MMS19: variants seen among roughly 807,000 people sequenced by gnomAD.
MMS19 encodes MMS19 nucleotide excision repair protein homolog.
In MMS19, 77 loss-of-function variants were observed where a neutral mutation model predicts 129.8. The observed-to-expected ratio is 0.59, with a 90% CI of 0.49 to 0.72. The LOEUF (loss-of-function observed/expected upper bound fraction) is 0.72. MMS19 is among the 30% of genes least tolerant of loss of function. MMS19 has a pLI of 0.00. For synonymous variants in MMS19, 491 were observed against 502.8 expected (o/e 0.98, Z 0.31); for missense variants, 1,168 against 1,266.3 (o/e 0.92, Z 1.18).
chr10:97,459,034 G>T, intron 29 of MMS19, 134 bp from the exon 30 acceptor site: 1 of 1,001,970 alleles, frequency 1.0e-6, no homozygotes, highest in Non-Finnish European at 1.5e-6. Flanking sequence ...TAAGTGGCAG[G>T]ATGGCCTTTC....
chr10:97,464,260 A>G (rs2032833384), intron 18 of MMS19, among the ~76,000 whole-genome samples: 1 of 152,190 alleles, frequency 6.6e-6, no homozygotes, highest in Non-Finnish European at 1.5e-5. Flanking sequence ...ATTTTTCATA[A>G]CAACCTTAGA....
At chr10:97,492,854 A>C (rs1457009108) in intron 1 of MMS19, among the ~76,000 whole-genome samples, 3 of 52,752 alleles carry the variant, frequency 5.7e-5, no homozygotes, top group Non-Finnish European at 1.3e-4. Flanking sequence ...GCAAGACTTC[A>C]TCTCCCAAAA....
intron 2 of MMS19, among the ~76,000 whole-genome samples, chr10:97,482,872 T>G (rs868543482): frequency 6.6e-6 from 1 of 151,828 alleles, no homozygotes; most frequent in East Asian, 1.9e-4. Flanking sequence ...CCCATCCTCC[T>G]ACCTCAGCCT....
chr10:97,461,927 G>T, intron 21 of MMS19, 31 bp from the exon 22 acceptor site: 2 of 1,586,488 alleles, frequency 1.3e-6, no homozygotes, highest in Non-Finnish European at 1.7e-6. Flanking sequence ...GATCAAGCCT[G>T]CCAGCAATAA....
chr10:97,467,364 G>A, intron 14 of MMS19, 141 bp downstream of exon 14: 1 of 626,136 alleles, frequency 1.6e-6, no homozygotes, highest in South Asian at 1.9e-5. Flanking sequence ...CATCTCATCT[G>A]TTAAGTGTTC....
intron 2 of MMS19, 137 bp downstream of exon 2, chr10:97,483,966 C>A: frequency 1.7e-6 from 1 of 602,422 alleles, no homozygotes; most frequent in Non-Finnish European, 3.0e-6. Context: ...TAGGCTTAGA[C>A]TGAGGTACTA....
At chr10:97,478,065 C>T in intron 4 of MMS19, 136 bp from the exon 5 acceptor site, 1 of 673,878 alleles carries the variant, frequency 1.5e-6, no homozygotes. Context: ...AATAGTGAGA[C>T]TCTTTCTCAA....
At chr10:97,461,102 G>T in intron 23 of MMS19, 95 bp from the exon 24 acceptor site, 2 of 1,027,588 alleles carry the variant, frequency 1.9e-6, no homozygotes, top group Non-Finnish European at 2.8e-6. Flanking sequence ...TCCCTGAGAA[G>T]CTGTTAGAAA....
chr10:97,461,149 G>T, intron 23 of MMS19, 142 bp from the exon 24 acceptor site: 2 of 689,372 alleles, frequency 2.9e-6, no homozygotes, highest in Non-Finnish European at 4.9e-6. Context: ...CAAAATGATT[G>T]GACACCTGCA....
chr10:97,486,126 AC>A (rs936938492), intron 1 of MMS19, among the ~76,000 whole-genome samples: 4 of 152,346 alleles, frequency 2.6e-5, no homozygotes, highest in Non-Finnish European at 5.9e-5. Flanking sequence ...GTACACATAT[AC>A]AACAGAATAC....
chr10:97,460,497 C>T (rs1207273571), intron 25 of MMS19, among the ~76,000 whole-genome samples, 198 bp downstream of exon 25: 2 of 152,150 alleles, frequency 1.3e-5, no homozygotes, highest in Middle Eastern at 3.4e-3. Context: ...CTTGAGCCTA[C>T]GGAGGTTGAG....
chr10:97,465,865 G>C lies in MMS19; in HGVS notation c.1696C>G (p.Pro566Ala). The C allele has an allele frequency of 6.2e-7, 1 of 1,613,968 alleles. No individual in the cohort carries two copies. Reference protein sequence around the residue: ...LQALSAVSTHPSIVKETLPLL... With the variant: ...LQALSAVSTHASIVKETLPLL... Reference sequence around the variant, plus strand: ...GGCAGTGTCTCCTTGACGATGCTGGGATGTGTTGATACAGCTGACAAGGCT... The same window carrying C: ...GGCAGTGTCTCCTTGACGATGCTGGCATGTGTTGATACAGCTGACAAGGCT... Residue 566 changes from proline (P) to alanine (A), a missense_variant, in exon 18 of 31, where the codon CCC (proline) becomes GCC (alanine). This residue lies in a region of MMS19 where 831 missense variants were observed against 910.8 expected (regional missense o/e 0.91). Transcript: ENST00000438925.
At chr10:97,461,166 C>A in intron 23 of MMS19, 159 bp from the exon 24 acceptor site, 1 of 643,124 alleles carries the variant, frequency 1.6e-6, no homozygotes, top group Non-Finnish European at 2.7e-6. Flanking sequence ...TGCATAAGAG[C>A]CTGGTATTCT....
chr10:97,480,880 A>G, intron 3 of MMS19, 62 bp downstream of exon 3: 1 of 1,204,278 alleles, frequency 8.3e-7, no homozygotes, highest in Non-Finnish European at 1.2e-6. Flanking sequence ...GTTGGCTTGA[A>G]TAGACATGGG....
In MMS19 at chr10:97,493,288, G is replaced by A. The variant is rs138309479; in HGVS notation, c.112+4985C>T. Among the ~76,000 whole-genome samples, 140 of 152,278 alleles carry A rather than the reference G, an allele frequency of 9.2e-4. 1 individual carries two copies. The highest frequency in any genetic ancestry group is 3.2e-3 in the African/African-American group (132 of 41,544). On this transcript the variant is annotated intron_variant, in intron 1 of 30. Transcript: ENST00000438925. ...AGCCTCCCAAAGTGCTGGGATTACA[G>A]GCATGAACCACCATGCCTAGCCCAG...
chr10:97,464,477 T>G (rs2032909315), intron 18 of MMS19, among the ~76,000 whole-genome samples: 1 of 152,152 alleles, frequency 6.6e-6, no homozygotes, highest in Non-Finnish European at 1.5e-5. Flanking sequence ...CTGTCACTTT[T>G]GCATTGGAGC....
rs1270495544 is a variant in MMS19, at chr10:97,468,360, A to G, written c.1110T>C (p.Pro370=). 1 of 1,612,574 alleles carries G rather than the reference A, an allele frequency of 6.2e-7. No homozygotes were observed. The highest frequency in any genetic ancestry group is 1.1e-5 in the South Asian group (1 of 90,888). The change falls in exon 13 of 31, where the codon CCT becomes CCC. Residue 370 remains proline (P), a synonymous_variant. Transcript: ENST00000438925. The part of the protein sequence containing the change: ...LCEPDMKLVW[P]SAKLLQAAAG... ...CAGCTGCCTGCAACAGCTTGGCACT[A>G]GGCCACACCAGTTTCATGTCCGGTT... is the stretch of plus-strand genomic sequence containing the variant.
At chr10:97,480,874 G>T in intron 3 of MMS19, 68 bp downstream of exon 3, 1 of 1,094,004 alleles carries the variant, frequency 9.1e-7, no homozygotes, top group Non-Finnish European at 1.4e-6. Flanking sequence ...TGTAAAGTTG[G>T]CTTGAATAGA....
chr10:97,475,263 G>T (rs545358305), intron 8 of MMS19, among the ~76,000 whole-genome samples: 1 of 152,252 alleles, frequency 6.6e-6, no homozygotes, highest in South Asian at 2.1e-4. Context: ...TTGATTTTAG[G>T]GGGGTGGTGG....
Sources: allele counts gnomAD v4.1 joint callset (sites outside exome capture counted in the v4.1 genomes callset), GRCh38; gene constraint gnomAD v4.1.1; regional missense constraint gnomAD v4.1.1; transcripts MANE v1.5; gene names NCBI Gene and HGNC (gene_info 2026-07-23, HGNC 2026-07-21).